The following ADAP2 variants were observed in gnomAD, a reference collection of about 807,000 sequenced individuals.
ADAP2 encodes ArfGAP with dual PH domains 2.
Under a neutral mutation model 54.9 loss-of-function variants are expected in ADAP2, and 42 were observed. The ratio of observed to expected loss-of-function variants is 0.77; its 90% CI spans 0.60 to 0.99. The LOEUF (loss-of-function observed/expected upper bound fraction) is 0.99, where lower values mean the gene tolerates loss of function less well. Ranked by LOEUF, ADAP2 falls within the 50% of genes least tolerant of loss-of-function variation. The pLI, the probability that ADAP2 is intolerant of heterozygous loss-of-function variation, is 0.00. For missense variants in ADAP2, 429 were observed against 480.4 expected (o/e 0.89, Z 1.00); for synonymous variants, 177 against 180.1 (o/e 0.98, Z 0.14).
At chr17:30,926,700 C>T in intron 2 of ADAP2, 127 bp from the exon 3 acceptor site, 3 of 778,388 alleles carry the variant, frequency 3.9e-6, no homozygotes, top group Non-Finnish European at 6.5e-6. Flanking sequence ...TATGGATGAC[C>T]AAGCCCGGTG....
In ADAP2 at chr17:30,922,099, G is replaced by T. The variant is rs986372397; in HGVS notation, c.85G>T (p.Gly29Trp). 4 of 1,249,730 alleles carry T rather than the reference G, an allele frequency of 3.2e-6. No individual in the cohort carries two copies. The highest frequency in any genetic ancestry group is 4.0e-6 in the Non-Finnish European group (4 of 999,040). 77.4% of individuals were successfully genotyped at this position (1,249,730 alleles called of 1,614,324 possible). A position where few individuals can be genotyped will look rare whatever the true frequency, so the allele number is the denominator to read the frequency against. The part of the protein sequence containing the change: ...DTGNAHCADC[G>W]AADPDWASYK... ...AGGCAACGCGCACTGCGCCGACTGC[G>T]GGGCGGCAGGTAAGGGCGCGGCGGC... Residue 29 changes from glycine (G) to tryptophan (W), a missense_variant, in exon 1 of 11, where the codon GGG becomes TGG. By Grantham distance (184) the Gly-to-Trp change is radical. Coordinates refer to ENST00000330889, the MANE Select transcript of ADAP2 (RefSeq NM_018404.3).
chr17:30,940,656 G>A lies in ADAP2; in HGVS notation c.511-4251G>A, dbSNP rs1160224794. Among the ~76,000 whole-genome samples the A allele has an allele frequency of 2.0e-5, 3 of 152,150 alleles. No individual in the cohort carries two copies. The East Asian group carries it at 5.8e-4, about 29-fold the overall frequency. ...AAACAAAAAGAAGTTAGAAGGAGCC[G>A]AATTTGGACTGTAAGATGATGCATA... On this transcript the variant is annotated intron_variant, in intron 5 of 10. Coordinates refer to ENST00000330889, the MANE Select transcript of ADAP2 (RefSeq NM_018404.3).
chr17:30,953,606 G>C (rs1307524108), intron 8 of ADAP2, among the ~76,000 whole-genome samples: 1 of 151,186 alleles, frequency 6.6e-6, no homozygotes, highest in Non-Finnish European at 1.5e-5. Flanking sequence ...GTGTGATCTC[G>C]GCTCACTGCA....
At chr17:30,948,436 G>C (rs999029120) in intron 6 of ADAP2, among the ~76,000 whole-genome samples, 3 of 151,916 alleles carry the variant, frequency 2.0e-5, no homozygotes, top group Non-Finnish European at 4.4e-5. Flanking sequence ...GCCGTGTGGT[G>C]GTGGGCGCCT....
At chr17:30,948,176 T>G (rs1445224129) in intron 6 of ADAP2, among the ~76,000 whole-genome samples, 3 of 152,080 alleles carry the variant, frequency 2.0e-5, no homozygotes, top group Non-Finnish European at 4.4e-5. Flanking sequence ...TAGTTTTGCA[T>G]GGAAGGAGCT....
At chr17:30,953,845 G>A (rs762753575) in intron 8 of ADAP2, among the ~76,000 whole-genome samples, 2 of 151,426 alleles carry the variant, frequency 1.3e-5, no homozygotes, top group Non-Finnish European at 2.9e-5. Flanking sequence ...CCAAATTCGT[G>A]AACTTTCTTA....
At position 30,935,064 on chromosome 17, in the gene ADAP2, CAAAACA is replaced by C. The variant is rs549583990; in HGVS notation, c.510+785_510+790del. On this transcript the variant is annotated intron_variant, in intron 5 of 10. Coordinates refer to ENST00000330889, the MANE Select transcript of ADAP2 (RefSeq NM_018404.3). ...TGAGACCCTGTCTCAAAAAACAAAA[CAAAACA>C]AAAACAAAAACAAAAACCGGGCATG... 2.7e-3 allele frequency among the ~76,000 whole-genome samples: 406 copies of C among 151,984 alleles called. 1 individual carries two copies. Among genetic ancestry groups the C allele is most frequent in the Non-Finnish European group, 4.7e-3 (322 of 67,946 alleles).
intron 2 of ADAP2, among the ~76,000 whole-genome samples, chr17:30,924,132 G>T (rs187072676): frequency 1.1e-4 from 16 of 152,140 alleles, no homozygotes; most frequent in African/African-American, 2.9e-4. Context: ...CAGCACTTTG[G>T]GGGGCTGAGG....
At chr17:30,922,915 T>TCCTCTCCTGCCTCATCC in intron 1 of ADAP2, 25 bp from the exon 2 acceptor site, 2 of 1,609,024 alleles carry the variant, frequency 1.2e-6, no homozygotes, top group African/African-American at 2.7e-5. Context: ...TCCGCTCAGC[T>TCCTCTCCTGCCTCATCC]CCTCTCCTGC....
chr17:30,941,700 A>G (rs1021953076), intron 5 of ADAP2, among the ~76,000 whole-genome samples: 2 of 152,168 alleles, frequency 1.3e-5, no homozygotes, highest in Admixed American at 6.5e-5. Flanking sequence ...GTATAAGAGT[A>G]TTATATGATC....
In ADAP2 at chr17:30,929,152, G is replaced by A. The variant is rs529253474; in HGVS notation, c.317+2234G>A. ...CCTAGCTCTACTGTGACCTAGCTGG[G>A]AGGACGTGGGCAAGTCAGCAAATCT... On this transcript the variant is annotated intron_variant, in intron 3 of 10. Coordinates refer to ENST00000330889, the MANE Select transcript of ADAP2 (RefSeq NM_018404.3). Among the ~76,000 whole-genome samples the A allele has an allele frequency of 2.0e-3, 306 of 152,326 alleles. 1 individual carries two copies. The highest frequency in any genetic ancestry group is 7.0e-3 in the African/African-American group (290 of 41,564).
chr17:30,947,186 C>T (rs1433449777), intron 6 of ADAP2, among the ~76,000 whole-genome samples: 1 of 152,144 alleles, frequency 6.6e-6, no homozygotes, highest in Non-Finnish European at 1.5e-5. Flanking sequence ...CTGTGGCAAA[C>T]AGGAAAACCT....
chr17:30,951,493 TA>T (rs200138177), intron 7 of ADAP2, among the ~76,000 whole-genome samples: 1 of 151,998 alleles, frequency 6.6e-6, no homozygotes, highest in African/African-American at 2.4e-5. Context: ...TTTCTTACAT[TA>T]AAAATTTTTT....
intron 2 of ADAP2, among the ~76,000 whole-genome samples, chr17:30,926,448 A>C (rs1288642570): frequency 2.6e-5 from 4 of 152,198 alleles, no homozygotes; most frequent in African/African-American, 7.2e-5. Flanking sequence ...TGATAGGAAG[A>C]ATATGAGCTT....
intron 9 of ADAP2, among the ~76,000 whole-genome samples, chr17:30,955,218 T>C (rs1490872499): frequency 6.6e-6 from 1 of 151,708 alleles, no homozygotes; most frequent in Non-Finnish European, 1.5e-5. Context: ...CAAGTTATCT[T>C]CCTGCCTCAG....
intron 5 of ADAP2, among the ~76,000 whole-genome samples, chr17:30,936,488 G>A (rs781340374): frequency 1.1e-4 from 16 of 152,068 alleles, no homozygotes; most frequent in Non-Finnish European, 1.9e-4. Context: ...TATAATAGCC[G>A]TCTTCATGGG....
rs60763338 is a variant in ADAP2, at chr17:30,945,848, T to TAA, written c.657+812_657+813dup. Among the ~76,000 whole-genome samples the TAA allele has an allele frequency of 5.2e-3, 611 of 117,926 alleles. 6 individuals are homozygous for TAA. Among genetic ancestry groups the TAA allele is most frequent in the African/African-American group, 0.018 (573 of 32,402 alleles). The allele number at this position is 117,926 out of a possible 152,430, so 77.4% of individuals were successfully genotyped here. A position where few individuals can be genotyped will look rare whatever the true frequency, so the allele number is the denominator to read the frequency against. On this transcript the variant is annotated intron_variant, in intron 6 of 10. Transcript: ENST00000330889. ...GGAGCTACCAAATTAGAAACTGCATTAAAAAAAAAAAAAAAAAAGAAGAGG... is the reference window on the plus strand; with the variant it reads ...GGAGCTACCAAATTAGAAACTGCATTAAAAAAAAAAAAAAAAAAAAGAAGAGG...
intron 6 of ADAP2, among the ~76,000 whole-genome samples, chr17:30,946,164 A>C (rs1049903816): frequency 3.9e-5 from 6 of 152,064 alleles, no homozygotes; most frequent in Middle Eastern, 3.4e-3. Context: ...CAAAAAAACA[A>C]AAAAAACAAA....
chr17:30,924,151 T>C (rs909773359), intron 2 of ADAP2, among the ~76,000 whole-genome samples: 1 of 152,126 alleles, frequency 6.6e-6, no homozygotes, highest in Non-Finnish European at 1.5e-5. Flanking sequence ...GGCTGGTGGA[T>C]TGCTTGAGCC....
Sources: gnomAD v4.1 joint callset for allele counts (sites outside exome capture counted in the v4.1 genomes callset) on GRCh38, gnomAD v4.1.1 for gene constraint, MANE v1.5 for transcripts, NCBI Gene and HGNC (gene_info 2026-07-23, HGNC 2026-07-21) for gene names.